The following JAZF1 variants were observed in gnomAD, a reference collection of about 807,000 sequenced individuals.
JAZF1 encodes juxtaposed with another zinc finger protein 1.
Under a neutral mutation model 26.4 loss-of-function variants are expected in JAZF1, and 8 were observed. The ratio of observed to expected loss-of-function variants is 0.30; its 90% CI spans 0.18 to 0.55. JAZF1 has a LOEUF of 0.55. Ranked by LOEUF, JAZF1 falls within the 20% of genes least tolerant of loss-of-function variation. JAZF1 has a pLI of 0.94. For missense variants in JAZF1, 199 were observed against 322.0 expected (o/e 0.62, Z 2.92); for synonymous variants, 126 against 122.3 (o/e 1.03, Z -0.20).
In JAZF1 at chr7:27,969,403, C is replaced by T. The variant is rs138976452; in HGVS notation, c.188+22506G>A. 4.1e-3 allele frequency among the ~76,000 whole-genome samples: 631 copies of T among 152,162 alleles called. 2 individuals are homozygous for T. The highest frequency in any genetic ancestry group is 0.014 in the African/African-American group (584 of 41,510). Reference sequence around the variant, plus strand: ...GTCACCTAAATCTGCAGGGAAATTTCGGTGGTCACGGAAGGTGGAAGCTGC... The same window carrying T: ...GTCACCTAAATCTGCAGGGAAATTTTGGTGGTCACGGAAGGTGGAAGCTGC... On this transcript the variant is annotated intron_variant, in intron 2 of 4. Transcript: ENST00000283928.
chr7:28,100,837 T>C (rs1280137096), intron 1 of JAZF1, among the ~76,000 whole-genome samples: 1 of 152,178 alleles, frequency 6.6e-6, no homozygotes, highest in Non-Finnish European at 1.5e-5. Flanking sequence ...TAGGTGGTCA[T>C]GGGGCCACCA....
At chr7:27,848,108 G>C (rs1239473955) in intron 3 of JAZF1, among the ~76,000 whole-genome samples, 1 of 152,236 alleles carries the variant, frequency 6.6e-6, no homozygotes, top group Non-Finnish European at 1.5e-5. Flanking sequence ...GATGCCATTA[G>C]GATTCTGATA....
intron 2 of JAZF1, among the ~76,000 whole-genome samples, chr7:27,903,155 C>T (rs1327154997): frequency 1.3e-5 from 2 of 152,156 alleles, no homozygotes; most frequent in South Asian, 2.1e-4. Context: ...ATACTGCCAT[C>T]ATGAGTTTTG....
chr7:28,052,850 T>C (rs376097850), intron 1 of JAZF1, among the ~76,000 whole-genome samples: 2 of 152,134 alleles, frequency 1.3e-5, no homozygotes, highest in Admixed American at 6.5e-5. Context: ...GTAAAAAATA[T>C]AGTATTAAAT....
chr7:28,151,411 G>A (rs1169722583), intron 1 of JAZF1, among the ~76,000 whole-genome samples: 1 of 151,798 alleles, frequency 6.6e-6, no homozygotes, highest in Admixed American at 6.6e-5. Flanking sequence ...GGCTTGGAGG[G>A]GGAATTTTAA....
intron 1 of JAZF1, among the ~76,000 whole-genome samples, chr7:28,088,152 T>C (rs1427915142): frequency 6.6e-6 from 1 of 152,150 alleles, no homozygotes; most frequent in Non-Finnish European, 1.5e-5. Flanking sequence ...TCACTCAGGG[T>C]TAACACCACG....
chr7:27,915,493 G>T (rs1784432547), intron 2 of JAZF1, among the ~76,000 whole-genome samples: 1 of 152,126 alleles, frequency 6.6e-6, no homozygotes, highest in African/African-American at 2.4e-5. Context: ...TTTAAAAAGT[G>T]TTATATTCCA....
At chr7:28,040,608 C>G (rs1270941440) in intron 1 of JAZF1, among the ~76,000 whole-genome samples, 1 of 151,958 alleles carries the variant, frequency 6.6e-6, no homozygotes, top group Non-Finnish European at 1.5e-5. Context: ...AGGAAGGCAG[C>G]CATAGAGTCT....
chr7:28,180,135 G>GCCCCGCCGCCGCAA (rs530185101), intron 1 of JAZF1, among the ~76,000 whole-genome samples: 3 of 139,472 alleles, frequency 2.2e-5, no homozygotes, highest in Non-Finnish European at 4.7e-5. Context: ...CCGGCACTCG[G>GCCCCGCCGCCGCAA]CCCCGCCGCC....
At chr7:28,097,122 C>T (rs1784399465) in intron 1 of JAZF1, among the ~76,000 whole-genome samples, 4 of 152,054 alleles carry the variant, frequency 2.6e-5, no homozygotes, top group African/African-American at 4.8e-5. Context: ...CACCCCCCAC[C>T]CCCACTTTCC....
intron 3 of JAZF1, among the ~76,000 whole-genome samples, chr7:27,866,380 T>C (rs2128337050): frequency 6.6e-6 from 1 of 152,318 alleles, no homozygotes; most frequent in South Asian, 2.1e-4. Context: ...GTGAGGTGGC[T>C]AAGAGAGGCA....
At chr7:28,094,440 G>A (rs963585542) in intron 1 of JAZF1, among the ~76,000 whole-genome samples, 2 of 152,166 alleles carry the variant, frequency 1.3e-5, no homozygotes, top group African/African-American at 4.8e-5. Flanking sequence ...AGGGCTGCTC[G>A]CTTCTGCCTA....
intron 3 of JAZF1, among the ~76,000 whole-genome samples, chr7:27,856,446 G>A (rs1209783150): frequency 6.6e-6 from 1 of 152,176 alleles, no homozygotes; most frequent in South Asian, 2.1e-4. Context: ...ACTGTGGAAA[G>A]GGACCTGAGC....
intron 3 of JAZF1, among the ~76,000 whole-genome samples, chr7:27,871,733 C>G (rs377548427): frequency 6.6e-6 from 1 of 152,230 alleles, no homozygotes; most frequent in African/African-American, 2.4e-5. Context: ...AAACATGCTT[C>G]GAATGTTAAT....
chr7:27,994,448 A>C (rs38518), intron 1 of JAZF1, among the ~76,000 whole-genome samples: 72,656 of 116,806 alleles, frequency 0.62, 20,144 homozygotes, highest in Middle Eastern at 0.73. Context: ...TCACAAAAAA[A>C]AAAAAACAAA....
In JAZF1 at chr7:27,847,151, CTTT is replaced by C. The variant is rs80005826; in HGVS notation, c.386-6287_386-6285del. ...TGCACCACCCCGCCTGGCTTTTTTT[CTTT>C]TTTTTTTTTTTTTTTAGTAGAGACG... On this transcript the variant is annotated intron_variant, in intron 3 of 4. Coordinates refer to ENST00000283928, the MANE Select transcript of JAZF1 (RefSeq NM_175061.4). Among the ~76,000 whole-genome samples, 214 of 136,364 alleles carry C rather than the reference CTTT, an allele frequency of 1.6e-3. 6 individuals carry two copies. Among genetic ancestry groups the C allele is most frequent in the Non-Finnish European group, 8.2e-4 (52 of 63,158 alleles). The allele number at this position is 136,364 out of a possible 152,430, so 89.5% of individuals were successfully genotyped here.
intron 1 of JAZF1, among the ~76,000 whole-genome samples, chr7:28,080,931 T>TAA (rs541202198): frequency 7.1e-5 from 10 of 139,924 alleles, no homozygotes; most frequent in African/African-American, 2.4e-4. Context: ...CTACAATTTG[T>TAA]AAAAAAAAAC....
intron 2 of JAZF1, among the ~76,000 whole-genome samples, chr7:27,954,819 A>T (rs1039107566): frequency 7.2e-5 from 11 of 152,256 alleles, no homozygotes; most frequent in South Asian, 4.1e-4. Context: ...GTGCAATGGC[A>T]TGTTCTTGGC....
chr7:28,031,897 G>C (rs541995883), intron 1 of JAZF1, among the ~76,000 whole-genome samples: 2 of 152,198 alleles, frequency 1.3e-5, no homozygotes, highest in African/African-American at 4.8e-5. Context: ...ACAAAGAAAA[G>C]AAAATGGGCT....
Sources: allele counts gnomAD v4.1 joint callset (sites outside exome capture counted in the v4.1 genomes callset), GRCh38; gene constraint gnomAD v4.1.1; transcripts MANE v1.5; gene names NCBI Gene and HGNC (gene_info 2026-07-23, HGNC 2026-07-21).